The following SDK1 variants were observed in gnomAD, a reference collection of about 807,000 sequenced individuals.
SDK1 encodes the protein protein sidekick-1.
Under a neutral mutation model 245.5 loss-of-function variants are expected in SDK1, and 157 were observed. The ratio of observed to expected loss-of-function variants is 0.64; its 90% confidence interval spans 0.56 to 0.73. The LOEUF (loss-of-function observed/expected upper bound fraction) is 0.73, where lower values mean the gene tolerates loss of function less well. Ranked by LOEUF, SDK1 falls within the 30% of genes least tolerant of loss-of-function variation. The pLI, the probability that SDK1 is intolerant of heterozygous loss-of-function variation, is 0.00. For missense variants in SDK1, 3,583 were observed against 3,002.3 expected (o/e 1.19, Z -4.52); for synonymous variants, 1,647 against 1,278.5 (o/e 1.29, Z -6.15).
intron 13 of SDK1, among the ~76,000 whole-genome samples, chr7:3,974,917 C>A (rs1782793886): frequency 6.6e-6 from 1 of 152,168 alleles, no homozygotes; most frequent in Non-Finnish European, 1.5e-5. Context: ...ATGAGAGATG[C>A]TGGAGTGGGA....
At chr7:3,478,266 T>G (rs1293377806) in intron 1 of SDK1, among the ~76,000 whole-genome samples, 2 of 152,142 alleles carry the variant, frequency 1.3e-5, no homozygotes, top group Admixed American at 1.3e-4. Context: ...TCTTGGAGTT[T>G]TGATTAGAAG....
chr7:3,751,388 C>A (rs1779768120), intron 4 of SDK1, among the ~76,000 whole-genome samples: 1 of 146,942 alleles, frequency 6.8e-6, no homozygotes, highest in South Asian at 2.1e-4. Context: ...CTCCAAGATG[C>A]TGCCTATGGC....
chr7:3,453,762 A>T (rs189100529), intron 1 of SDK1, among the ~76,000 whole-genome samples: 10 of 152,026 alleles, frequency 6.6e-5, no homozygotes, highest in Non-Finnish European at 1.5e-4. Flanking sequence ...TTTACTTTTC[A>T]TAGAAACAGG....
At chr7:3,354,333 A>G (rs908160069) in intron 1 of SDK1, among the ~76,000 whole-genome samples, 2 of 152,130 alleles carry the variant, frequency 1.3e-5, no homozygotes, top group African/African-American at 4.8e-5. Flanking sequence ...TCAAACGGAA[A>G]AAAAAAACAG....
intron 1 of SDK1, among the ~76,000 whole-genome samples, chr7:3,500,015 T>G (rs914766013): frequency 3.3e-5 from 5 of 152,118 alleles, no homozygotes; most frequent in African/African-American, 1.2e-4. Context: ...AACAGGTGAT[T>G]AGGACAAGTA....
In SDK1 at chr7:3,391,770, G is replaced by A. The variant is rs565576753; in HGVS notation, c.298+89886G>A. Among the ~76,000 whole-genome samples, 86 of 151,152 alleles carry A rather than the reference G, an allele frequency of 5.7e-4. 2 individuals are homozygous for A. The highest frequency in any genetic ancestry group is 6.8e-3 in the Middle Eastern group (2 of 292). ...TCCTGTCTCAGCCTCCCGAGTAGCT[G>A]GTGTGTGCCATAATGCCTGGCTAAT... On this transcript the variant is annotated intron_variant, in intron 1 of 44. Transcript: ENST00000404826.
chr7:3,455,608 C>G (rs1356483362), intron 1 of SDK1, among the ~76,000 whole-genome samples: 2 of 152,064 alleles, frequency 1.3e-5, no homozygotes, highest in Admixed American at 1.3e-4. Flanking sequence ...GTGTGTCTTT[C>G]TGGCTTCTCT....
At chr7:3,352,643 G>A (rs770635561) in intron 1 of SDK1, among the ~76,000 whole-genome samples, 57 of 152,126 alleles carry the variant, frequency 3.7e-4, no homozygotes, top group Admixed American at 1.1e-3. Flanking sequence ...GCCACTCATG[G>A]GCTGTCACAG....
intron 13 of SDK1, among the ~76,000 whole-genome samples, chr7:3,981,085 A>G (rs1218271200): frequency 8.5e-5 from 13 of 152,176 alleles, no homozygotes; most frequent in Non-Finnish European, 1.8e-4. Context: ...AAGTAAGTCT[A>G]TTGATGCAAT....
At chr7:3,388,051 T>C (rs554343633) in intron 1 of SDK1, among the ~76,000 whole-genome samples, 2 of 152,212 alleles carry the variant, frequency 1.3e-5, no homozygotes, top group Non-Finnish European at 2.9e-5. Flanking sequence ...TTTTATTCTA[T>C]ATTTATGTTC....
chr7:3,918,804 A>T (rs1158834582), intron 5 of SDK1, among the ~76,000 whole-genome samples: 1 of 151,712 alleles, frequency 6.6e-6, no homozygotes, highest in Non-Finnish European at 1.5e-5. Context: ...CTACCGAGAG[A>T]CTTCCTGTCT....
At chr7:3,539,539 G>C (rs1448419396) in intron 1 of SDK1, among the ~76,000 whole-genome samples, 2 of 152,176 alleles carry the variant, frequency 1.3e-5, no homozygotes, top group African/African-American at 4.8e-5. Context: ...AGAGATCCCT[G>C]CTGCCTGGAG....
In SDK1 at chr7:4,049,826, G is replaced by T. The variant is rs144899591; in HGVS notation, c.2718+363G>T. On this transcript the variant is annotated intron_variant, in intron 18 of 44. Transcript: ENST00000404826. ...GGAGAACACAGGCCCCGAGCAAAGG[G>T]AATGGTGTGAGTGATATTTCCATGG... is the stretch of plus-strand genomic sequence containing the variant. Among the ~76,000 whole-genome samples, 328 of 152,296 alleles carry T rather than the reference G, an allele frequency of 2.2e-3. 1 individual carries two copies. Among genetic ancestry groups the T allele is most frequent in the African/African-American group, 7.6e-3 (314 of 41,572 alleles).
chr7:3,602,299 G>A (rs1781278370), intron 1 of SDK1, among the ~76,000 whole-genome samples: 1 of 151,112 alleles, frequency 6.6e-6, no homozygotes, highest in Admixed American at 6.6e-5. Context: ...CACCAACAGT[G>A]TAAAAGTGTT....
At chr7:4,068,389 C>T (rs965177276) in intron 20 of SDK1, among the ~76,000 whole-genome samples, 3 of 152,158 alleles carry the variant, frequency 2.0e-5, no homozygotes, top group African/African-American at 7.2e-5. Context: ...CTGAGCGCTC[C>T]TGTGGGCAGC....
At chr7:3,384,942 C>A (rs1781573912) in intron 1 of SDK1, among the ~76,000 whole-genome samples, 1 of 152,112 alleles carries the variant, frequency 6.6e-6, no homozygotes, top group African/African-American at 2.4e-5. Flanking sequence ...TGGCATACGC[C>A]CTGCTGCCTT....
At chr7:4,012,043 C>A in intron 15 of SDK1, 52 bp from the exon 16 acceptor site, 1 of 1,354,632 alleles carries the variant, frequency 7.4e-7, no homozygotes, top group South Asian at 2.1e-5. Flanking sequence ...AAATGGGCCC[C>A]CGCTGTTTCT....
chr7:4,177,337 G>A (rs779535409), intron 34 of SDK1, among the ~76,000 whole-genome samples: 2 of 152,232 alleles, frequency 1.3e-5, no homozygotes, highest in African/African-American at 2.4e-5. Flanking sequence ...ACAGAGCAGT[G>A]TTAACCAGTG....
rs73042461 is a variant in SDK1, at chr7:4,094,455, A to G, written c.3324+14871A>G. On this transcript the variant is annotated intron_variant, in intron 22 of 44. Coordinates refer to ENST00000404826, the MANE Select transcript of SDK1 (RefSeq NM_152744.4). Reference sequence around the variant, plus strand: ...TTGCTTCTGCTCTACTCACCCCTCCAATCCCCATGTGCTGACATTCGCTGT... The same window carrying G: ...TTGCTTCTGCTCTACTCACCCCTCCGATCCCCATGTGCTGACATTCGCTGT... 4.8e-3 allele frequency among the ~76,000 whole-genome samples: 733 copies of G among 152,266 alleles called. 6 individuals carry two copies. The highest frequency in any genetic ancestry group is 8.2e-3 in the Non-Finnish European group (558 of 68,012).
Sources: gnomAD v4.1 joint callset for allele counts (sites outside exome capture counted in the v4.1 genomes callset) on GRCh38, gnomAD v4.1.1 for gene constraint, MANE v1.5 for transcripts, NCBI Gene and HGNC (gene_info 2026-07-23, HGNC 2026-07-21) for gene names.